The following PRKAA2 variants were observed in gnomAD, a reference collection of about 807,000 sequenced individuals.
PRKAA2 encodes protein kinase AMP-activated catalytic subunit alpha 2.
A neutral mutation model predicts 56.3 loss-of-function variants in PRKAA2; 40 were observed. The observed-to-expected ratio is 0.71, with a 90% CI of 0.55 to 0.92. PRKAA2 has a LOEUF of 0.92. PRKAA2 is among the 40% of genes least tolerant of loss of function. The probability of loss-of-function intolerance (pLI) is 0.00; values close to 1 mark genes in which losing one functional copy is unlikely to be tolerated. For missense variants in PRKAA2, 542 were observed against 686.9 expected, an observed-to-expected ratio of 0.79 and a Z score of 2.36; for synonymous variants, 214 against 234.2, an observed-to-expected ratio of 0.91 and a Z score of 0.79.
At chr1:56,677,643 C>G (rs1314542563) in intron 2 of PRKAA2, among the ~76,000 whole-genome samples, 1 of 140,574 alleles carries the variant, frequency 7.1e-6, no homozygotes, top group African/African-American at 2.6e-5. Context: ...CATGAGGATT[C>G]TAAGGCTTCT....
chr1:56,699,489 AG>A (rs1644280080), intron 6 of PRKAA2, among the ~76,000 whole-genome samples: 1 of 152,230 alleles, frequency 6.6e-6, no homozygotes, highest in Non-Finnish European at 1.5e-5. Flanking sequence ...AAAGCTAGAA[AG>A]ATGGCTTTTA....
intron 1 of PRKAA2, among the ~76,000 whole-genome samples, chr1:56,646,788 G>T (rs1287130802): frequency 1.3e-5 from 2 of 152,066 alleles, no homozygotes; most frequent in Non-Finnish European, 2.9e-5. Context: ...CATTCCTTTG[G>T]TAAGAATCAG....
intron 2 of PRKAA2, among the ~76,000 whole-genome samples, chr1:56,679,844 TTCC>T (rs1644140881): frequency 6.6e-6 from 1 of 152,154 alleles, no homozygotes; most frequent in African/African-American, 2.4e-5. Context: ...CCTCTTCCTC[TTCC>T]TCCTCAGTCT....
chr1:56,659,778 C>T (rs1371855870), intron 1 of PRKAA2, among the ~76,000 whole-genome samples: 2 of 151,966 alleles, frequency 1.3e-5, no homozygotes, highest in Non-Finnish European at 2.9e-5. Flanking sequence ...CATGGTGGCA[C>T]GTGCCTATAG....
At chr1:56,693,085 G>C (rs1279216084) in intron 4 of PRKAA2, among the ~76,000 whole-genome samples, 3 of 152,142 alleles carry the variant, frequency 2.0e-5, no homozygotes, top group Non-Finnish European at 4.4e-5. Flanking sequence ...TAGGGTATTT[G>C]AGAAAAAGAC....
At chr1:56,688,087 G>A (rs892887618) in intron 2 of PRKAA2, among the ~76,000 whole-genome samples, 2 of 152,160 alleles carry the variant, frequency 1.3e-5, no homozygotes, top group Non-Finnish European at 2.9e-5. Context: ...CAGCACAAGA[G>A]ATTTGACTTA....
rs773919981 is a variant in PRKAA2 at position 56,706,144 on chromosome 1, A to G, written c.1346A>G (p.Asn449Ser). 2 of 1,613,372 alleles carry G rather than the reference A, an allele frequency of 1.2e-6. No individual in the cohort carries two copies. The highest frequency in any genetic ancestry group is 2.2e-5 in the East Asian group (1 of 44,860). Residue 449 changes from asparagine (N) to serine (S), a missense_variant, in exon 8 of 9, where the codon AAT (asparagine) becomes AGT (serine). Around this residue, in one of 5 missense-constraint regions of PRKAA2, gnomAD observed 158 missense variants for 166.1 expected, o/e 0.95. Transcript: ENST00000371244. ...RVRRKNPVTG[N>S]YVKMSLQLYL... ...AGAAGAAAAAATCCAGTGACTGGCA[A>G]TTACGTGAAAATGAGCTTACAACTT...
intron 2 of PRKAA2, among the ~76,000 whole-genome samples, chr1:56,681,765 A>T (rs1228669260): frequency 6.6e-6 from 1 of 152,094 alleles, no homozygotes; most frequent in Non-Finnish European, 1.5e-5. Context: ...GTAGCCTTGT[A>T]GTATAGTTTG....
chr1:56,686,867 A>T (rs1216107833), intron 2 of PRKAA2, among the ~76,000 whole-genome samples: 1 of 142,676 alleles, frequency 7.0e-6, no homozygotes, highest in Non-Finnish European at 1.5e-5. Context: ...AACATTATAG[A>T]AACAACCTAA....
chr1:56,671,487 A>C (rs1676144117), intron 1 of PRKAA2: 1 of 152,262 alleles, frequency 6.6e-6, no homozygotes, highest in South Asian at 2.1e-4. Flanking sequence ...CTGGAGTCCT[A>C]GAAACATATT....
At chr1:56,705,399 T>TTTGTTG (rs10624434) in intron 7 of PRKAA2, among the ~76,000 whole-genome samples, 2 of 151,322 alleles carry the variant, frequency 1.3e-5, no homozygotes, top group East Asian at 2.0e-4. Flanking sequence ...TTGTTTATTT[T>TTTGTTG]TTGTTGTTGT....
intron 6 of PRKAA2, 112 bp downstream of exon 6, chr1:56,696,271 T>G: frequency 1.1e-6 from 1 of 929,796 alleles, no homozygotes; most frequent in Non-Finnish European, 1.6e-6. Flanking sequence ...ACCCCAGTAC[T>G]CATGCTTCAG....
At chr1:56,654,589 G>A (rs1643926374) in intron 1 of PRKAA2, among the ~76,000 whole-genome samples, 1 of 152,110 alleles carries the variant, frequency 6.6e-6, no homozygotes, top group African/African-American at 2.4e-5. Flanking sequence ...TAAGAGAAAT[G>A]TAAACCTTAA....
At chr1:56,667,276 A>T (rs1271963736) in intron 1 of PRKAA2, among the ~76,000 whole-genome samples, 1 of 151,634 alleles carries the variant, frequency 6.6e-6, no homozygotes, top group Non-Finnish European at 1.5e-5. Flanking sequence ...CACCTCTTAA[A>T]CTTAGGGCCA....
rs111704022 is a variant in PRKAA2, at chr1:56,651,846, C to CT, written c.94+6379dup. Reference sequence around the variant, plus strand: ...GTGTGTTTACTGATATGAAAGTAATCTTTTTTTTTTTTTTGAGACTAGTCT... The same window carrying CT: ...GTGTGTTTACTGATATGAAAGTAATCTTTTTTTTTTTTTTTGAGACTAGTCT... On this transcript the variant is annotated intron_variant, in intron 1 of 8. Transcript: ENST00000371244. Among the ~76,000 whole-genome samples, 683 of 142,548 alleles carry CT rather than the reference C, an allele frequency of 4.8e-3. 2 individuals are homozygous for CT. The highest frequency in any genetic ancestry group is 6.2e-3 in the Non-Finnish European group (400 of 64,798). The allele number at this position is 142,548 out of a possible 152,430, so 93.5% of individuals were successfully genotyped here.
chr1:56,674,295 G>A, intron 1 of PRKAA2, 86 bp from the exon 2 acceptor site: 1 of 1,193,460 alleles, frequency 8.4e-7, no homozygotes, highest in South Asian at 1.8e-5. Context: ...TATGAGTAGA[G>A]AAGTTTAGGG....
chr1:56,647,415 A>G (rs1485935429), intron 1 of PRKAA2, among the ~76,000 whole-genome samples: 1 of 152,240 alleles, frequency 6.6e-6, no homozygotes, highest in Non-Finnish European at 1.5e-5. Context: ...TGTAATCTGA[A>G]TGTAGAGTAG....
chr1:56,653,481 G>C (rs1033440872), intron 1 of PRKAA2, among the ~76,000 whole-genome samples: 3 of 152,072 alleles, frequency 2.0e-5, no homozygotes, highest in Non-Finnish European at 4.4e-5. Context: ...AGAAGACCTG[G>C]TGTGGAACCT....
intron 1 of PRKAA2, among the ~76,000 whole-genome samples, chr1:56,645,836 G>C (rs1646636082): frequency 1.3e-5 from 2 of 152,186 alleles, no homozygotes; most frequent in African/African-American, 4.8e-5. Flanking sequence ...CGTTCTGCGA[G>C]GCGCCTTCCA....
Sources: allele counts gnomAD v4.1 joint callset (sites outside exome capture counted in the v4.1 genomes callset), GRCh38; gene constraint gnomAD v4.1.1; regional missense constraint gnomAD v4.1.1; transcripts MANE v1.5; gene names NCBI Gene and HGNC (gene_info 2026-07-23, HGNC 2026-07-21).